RAVER2: variants seen among roughly 807,000 people sequenced by gnomAD.
RAVER2 encodes ribonucleoprotein, PTB binding 2.
RAVER2 carries 46 observed loss-of-function variants against 78.1 expected under a neutral mutation model. That is an observed-to-expected ratio of 0.59 (90% CI 0.46 to 0.75). The LOEUF (loss-of-function observed/expected upper bound fraction) is 0.75. Ranked by LOEUF, RAVER2 falls within the 30% of genes least tolerant of loss-of-function variation. RAVER2 has a pLI of 0.00. For synonymous variants in RAVER2, 311 were observed against 313.3 expected (o/e 0.99, Z 0.08); for missense variants, 793 against 837.5 (o/e 0.95, Z 0.66).
chr1:64,799,831 C>G (rs1214638564), intron 5 of RAVER2, among the ~76,000 whole-genome samples: 1 of 152,134 alleles, frequency 6.6e-6, no homozygotes, highest in Non-Finnish European at 1.5e-5. Flanking sequence ...AACCATCGTA[C>G]TGTTTTCCAT....
At chr1:64,817,603 G>A (rs1653785216) in intron 11 of RAVER2, among the ~76,000 whole-genome samples, 1 of 152,096 alleles carries the variant, frequency 6.6e-6, no homozygotes, top group South Asian at 2.1e-4. Flanking sequence ...GTCCTTTATA[G>A]GGACATGGAC....
In RAVER2 at chr1:64,781,373, G is replaced by A. The variant is rs771676373; in HGVS notation, c.787-7G>A. 7 of 1,575,622 alleles carry A rather than the reference G, an allele frequency of 4.4e-6. No individual in the cohort carries two copies. The Admixed American group carries it at 9.0e-5, about 20-fold the overall frequency. On this transcript the variant is annotated splice_region_variant and splice_polypyrimidine_tract_variant and intron_variant, in intron 3 of 11. Coordinates refer to ENST00000294428, the Ensembl canonical transcript of RAVER2. ...GAATTACTGTTTAATAGAATGTATT[G>A]TATCAGCTTGCACAGGATGAAGGTA...
At chr1:64,829,612 C>T (rs1654077240) in intron 11 of RAVER2, among the ~76,000 whole-genome samples, 1 of 152,194 alleles carries the variant, frequency 6.6e-6, no homozygotes, top group African/African-American at 2.4e-5. Flanking sequence ...TCGTCACCAT[C>T]AACTCAGCTT....
chr1:64,748,236 C>G (rs923093516), intron 1 of RAVER2, among the ~76,000 whole-genome samples: 7 of 152,228 alleles, frequency 4.6e-5, no homozygotes, highest in African/African-American at 1.7e-4. Context: ...TCTGGTCTGC[C>G]TAAGCTTTCT....
chr1:64,781,023 T>G (rs898322184), intron 3 of RAVER2, among the ~76,000 whole-genome samples: 3 of 152,240 alleles, frequency 2.0e-5, no homozygotes, highest in African/African-American at 7.2e-5. Context: ...TCACTGTCCA[T>G]GTACCTGGTG....
intron 3 of RAVER2, among the ~76,000 whole-genome samples, chr1:64,779,785 C>G (rs1223726507): frequency 2.0e-5 from 3 of 151,062 alleles, no homozygotes; most frequent in Non-Finnish European, 2.9e-5. Flanking sequence ...TGTGAACCCC[C>G]CCGAGTTGGA....
intron 10 of RAVER2, among the ~76,000 whole-genome samples, chr1:64,813,699 TG>T (rs1219566109): frequency 6.6e-6 from 1 of 152,076 alleles, no homozygotes; most frequent in African/African-American, 2.4e-5. Context: ...TTTTTTGAGC[TG>T]GAAAAAAATG....
At chr1:64,829,368 A>C (rs1654072327) in intron 11 of RAVER2, among the ~76,000 whole-genome samples, 1 of 152,164 alleles carries the variant, frequency 6.6e-6, no homozygotes, top group Non-Finnish European at 1.5e-5. Flanking sequence ...TTCTAAGAGG[A>C]GGAAAGCTGC....
chr1:64,763,362 C>A (rs565259201), intron 1 of RAVER2, among the ~76,000 whole-genome samples: 1 of 152,166 alleles, frequency 6.6e-6, no homozygotes, highest in South Asian at 2.1e-4. Context: ...TGAAAGATTA[C>A]AACAGGCATT....
intron 9 of RAVER2, 23 bp downstream of exon 9, chr1:64,807,497 C>CAGATGTATATATACATGT (rs762748161): frequency 6.2e-7 from 1 of 1,610,000 alleles, no homozygotes; most frequent in Non-Finnish European, 8.5e-7. Flanking sequence ...TGGGTGCACA[C>CAGATGTATATATACATGT]AGATGTATAT....
intron 5 of RAVER2, among the ~76,000 whole-genome samples, chr1:64,801,549 T>G (rs1478875295): frequency 6.6e-6 from 1 of 150,566 alleles, no homozygotes; most frequent in East Asian, 1.9e-4. Context: ...TCAGAGCAAG[T>G]TTATTAAGAA....
At chr1:64,797,097 T>C (rs922084840) in intron 5 of RAVER2, among the ~76,000 whole-genome samples, 3 of 152,192 alleles carry the variant, frequency 2.0e-5, no homozygotes, top group African/African-American at 7.2e-5. Context: ...ATTTATAAAT[T>C]AGAATTTAGA....
intron 4 of RAVER2, among the ~76,000 whole-genome samples, chr1:64,785,367 C>CTTT (rs67544814): frequency 3.1e-5 from 4 of 129,652 alleles, no homozygotes; most frequent in Admixed American, 8.4e-5. Context: ...CTGTCCCTAA[C>CTTT]TTTTTTTTTT....
chr1:64,804,112 C>G (rs866376452), intron 6 of RAVER2, among the ~76,000 whole-genome samples: 8 of 152,140 alleles, frequency 5.3e-5, no homozygotes, highest in African/African-American at 1.9e-4. Flanking sequence ...GCTGGTCCTT[C>G]TTCCTGGAAC....
chr1:64,782,698 G>C (rs1419266066), intron 4 of RAVER2, among the ~76,000 whole-genome samples: 2 of 152,202 alleles, frequency 1.3e-5, no homozygotes, highest in Non-Finnish European at 2.9e-5. Flanking sequence ...CAGTGCTTGA[G>C]GAGTGGTAAG....
At position 64,763,954 on chromosome 1, in the gene RAVER2, A is replaced by ACC. The variant is rs1553152197; in HGVS notation, c.250-4699_250-4698dup. 9.1e-4 allele frequency among the ~76,000 whole-genome samples: 136 copies of ACC among 149,144 alleles called. No individual in the cohort carries two copies. In the East Asian group the frequency reaches 0.016, roughly 17 times the overall value. ...CACACACACACACACACACACACAC[A>ACC]CCCCTACCATGTAATTTAGCAATTC... is the stretch of plus-strand genomic sequence containing the variant. On this transcript the variant is annotated intron_variant, in intron 1 of 11. Transcript: ENST00000294428.
At position 64,778,057 on chromosome 1, in the gene RAVER2, A is replaced by AT; in HGVS notation, c.757dup (p.Ser253PhefsTer5). Reference sequence around the variant, plus strand: ...CAGGGATTCAGAAGAGCTGTTGCAAATTTTTTCCAGTGTCCATAAACCTGT... The same window carrying AT: ...CAGGGATTCAGAAGAGCTGTTGCAAATTTTTTTCCAGTGTCCATAAACCTGT... On this transcript the variant is annotated frameshift_variant, in exon 3 of 12. Coordinates refer to ENST00000294428, the Ensembl canonical transcript of RAVER2. LOFTEE classifies it high-confidence loss of function. 35 of 1,613,374 alleles carry AT rather than the reference A, an allele frequency of 2.2e-5. No individual in the cohort carries two copies. Among genetic ancestry groups the AT allele is most frequent in the Non-Finnish European group, 2.8e-5 (33 of 1,179,698 alleles).
chr1:64,778,222 G>A (rs905662279), intron 3 of RAVER2, 130 bp downstream of exon 3: 2 of 768,620 alleles, frequency 2.6e-6, no homozygotes, highest in African/African-American at 3.5e-5. Flanking sequence ...TCATTCTGTA[G>A]GGAAGACTTT....
rs779787678 is a variant in RAVER2 at position 64,778,079 on chromosome 1, CTG to C, written c.777_778del (p.Phe260LeufsTer7). ...CAAATTTTTTCCAGTGTCCATAAACCTGTGTTTTGCCAGGTATGTATTTTTAA... is the reference window on the plus strand; with the variant it reads ...CAAATTTTTTCCAGTGTCCATAAACCTGTTTTGCCAGGTATGTATTTTTAA... On this transcript the variant is annotated frameshift_variant, in exon 3 of 12. Transcript: ENST00000294428. LOFTEE classifies it high-confidence loss of function. The C allele has an allele frequency of 8.7e-6, 14 of 1,604,278 alleles. No homozygotes were observed. The highest frequency in any genetic ancestry group is 1.2e-5 in the Non-Finnish European group (14 of 1,174,782).
Sources: allele counts gnomAD v4.1 joint callset (sites outside exome capture counted in the v4.1 genomes callset), GRCh38; gene constraint gnomAD v4.1.1; transcripts MANE v1.5; gene names NCBI Gene and HGNC (gene_info 2026-07-23, HGNC 2026-07-21).